TMX2: variants seen among roughly 807,000 people sequenced by gnomAD.
TMX2 encodes the protein thioredoxin related transmembrane protein 2.
In TMX2, 20 loss-of-function variants were observed where a neutral mutation model predicts 33.4. The ratio of observed to expected loss-of-function variants is 0.60; its 90% CI spans 0.42 to 0.87. The LOEUF is 0.87. Among genes scored for constraint, TMX2 ranks in the 40% least tolerant of loss-of-function variants. The pLI, the probability that TMX2 is intolerant of heterozygous loss-of-function variation, is 0.00. For synonymous variants in TMX2, 166 were observed against 140.7 expected, an observed-to-expected ratio of 1.18 and a Z score of -1.27; for missense variants, 340 against 370.7, an observed-to-expected ratio of 0.92 and a Z score of 0.68.
At chr11:57,733,737 A>G (rs1484417330) in intron 1 of TMX2, among the ~76,000 whole-genome samples, 6 of 152,214 alleles carry the variant, frequency 3.9e-5, no homozygotes, top group Non-Finnish European at 8.8e-5. Flanking sequence ...CAAATTATCC[A>G]TAATAAAAAG....
At chr11:57,725,921 T>G (rs181194147) in intron 1 of TMX2, among the ~76,000 whole-genome samples, 3 of 152,198 alleles carry the variant, frequency 2.0e-5, no homozygotes, top group African/African-American at 7.2e-5. Flanking sequence ...ACTAACATTA[T>G]AAAGTACCAT....
chr11:57,736,052 G>A (rs1305507048), intron 1 of TMX2, among the ~76,000 whole-genome samples: 1 of 152,078 alleles, frequency 6.6e-6, no homozygotes, highest in Non-Finnish European at 1.5e-5. Flanking sequence ...GAAGGAGGGG[G>A]TATAAAGAGA....
At chr11:57,740,019 G>A (rs2135668987) in intron 7 of TMX2, 80 bp from the exon 8 acceptor site, 2 of 1,594,016 alleles carry the variant, frequency 1.3e-6, no homozygotes, top group South Asian at 2.2e-5. Flanking sequence ...CCCAGACTTT[G>A]TGTAAAATAC....
intron 1 of TMX2, among the ~76,000 whole-genome samples, chr11:57,721,027 G>A (rs956775655): frequency 7.0e-6 from 1 of 142,154 alleles, no homozygotes; most frequent in African/African-American, 2.6e-5. Flanking sequence ...TTTTTCCTCA[G>A]GCCAGGTACG....
chr11:57,720,442 G>A (rs1222662215), intron 1 of TMX2, among the ~76,000 whole-genome samples: 2 of 152,090 alleles, frequency 1.3e-5, no homozygotes, highest in Non-Finnish European at 2.9e-5. Flanking sequence ...TTGCTCTATC[G>A]CCCAGGCTGG....
At chr11:57,724,949 A>T (rs767616682) in intron 1 of TMX2, among the ~76,000 whole-genome samples, 148 of 151,774 alleles carry the variant, frequency 9.8e-4, no homozygotes, top group Non-Finnish European at 1.8e-3. Context: ...GGGGCAGGAG[A>T]ATCACTTTGA....
chr11:57,722,074 C>T (rs1177892867), intron 1 of TMX2, among the ~76,000 whole-genome samples: 40 of 152,176 alleles, frequency 2.6e-4, no homozygotes. Flanking sequence ...CAGTTCACTA[C>T]AGCCTCAACC....
chr11:57,738,481 G>T, intron 4 of TMX2, 51 bp downstream of exon 4: 1 of 1,429,404 alleles, frequency 7.0e-7, no homozygotes, highest in Non-Finnish European at 9.9e-7. Flanking sequence ...GGGTGATTTT[G>T]TAGTTGTGCT....
rs1166963334 is a variant in TMX2 at position 57,740,859 on chromosome 11, CTT to C, written c.*616_*617del. The C allele has an allele frequency of 1.3e-5, 2 of 152,280 alleles. No individual in the cohort carries two copies. The highest frequency in any genetic ancestry group is 2.9e-5 in the Non-Finnish European group (2 of 68,094). 9.4% of individuals were successfully genotyped at this position (152,280 alleles called of 1,614,324 possible). On this transcript the variant is annotated 3_prime_UTR_variant, in exon 8 of 8. Transcript: ENST00000278422. ...GGGTGAATAGAGGCTTGAGACTTTCCTTTGTGTGGTAGGACTTGGAGGAGAAA... is the reference window on the plus strand; with the variant it reads ...GGGTGAATAGAGGCTTGAGACTTTCCTGTGTGGTAGGACTTGGAGGAGAAA...
At chr11:57,736,993 T>G (rs1487214014) in intron 1 of TMX2, among the ~76,000 whole-genome samples, 1 of 152,258 alleles carries the variant, frequency 6.6e-6, no homozygotes, top group African/African-American at 2.4e-5. Context: ...CACATTGAGT[T>G]GATATTAATA....
intron 1 of TMX2, among the ~76,000 whole-genome samples, chr11:57,734,065 G>T (rs988577866): frequency 6.7e-6 from 1 of 149,272 alleles, no homozygotes. Flanking sequence ...CCAGCTACTC[G>T]GGAAGCTGAG....
chr11:57,720,241 CTT>C (rs1341217082), intron 1 of TMX2, among the ~76,000 whole-genome samples: 1 of 151,478 alleles, frequency 6.6e-6, no homozygotes, highest in African/African-American at 2.4e-5. Flanking sequence ...GTTTAAAACT[CTT>C]CTCTCTTTTG....
chr11:57,715,720 G>A (rs1946946139), intron 1 of TMX2, among the ~76,000 whole-genome samples: 1 of 151,740 alleles, frequency 6.6e-6, no homozygotes, highest in Admixed American at 6.6e-5. Context: ...CTAGGCAGAG[G>A]ACCCTGCCGC....
At chr11:57,727,379 G>T (rs928554034) in intron 1 of TMX2, among the ~76,000 whole-genome samples, 15 of 152,096 alleles carry the variant, frequency 9.9e-5, no homozygotes, top group African/African-American at 3.6e-4. Flanking sequence ...TAGCACGTTG[G>T]GACCTGCTGG....
intron 1 of TMX2, among the ~76,000 whole-genome samples, chr11:57,734,709 T>C (rs1948632792): frequency 6.6e-6 from 1 of 150,972 alleles, no homozygotes; most frequent in South Asian, 2.1e-4. Flanking sequence ...GGTTGTGGCA[T>C]TGCACTCCAG....
At position 57,740,093 on chromosome 11, in the gene TMX2, G is replaced by C; in HGVS notation, c.745-6G>C. ...AGATCCTGACGTGTGCATCTCTTTT[G>C]TGCAGGAGAATGTGATCCGAGAATT... On this transcript the variant is annotated splice_polypyrimidine_tract_variant and splice_region_variant and intron_variant, in intron 7 of 7. Coordinates refer to ENST00000278422, the MANE Select transcript of TMX2 (RefSeq NM_015959.4). The C allele has an allele frequency of 6.2e-7, 1 of 1,613,776 alleles. No homozygotes were observed. Among genetic ancestry groups the C allele is most frequent in the Non-Finnish European group, 8.5e-7 (1 of 1,179,820 alleles).
chr11:57,718,237 T>C, intron 1 of TMX2: 1 of 1,488,920 alleles, frequency 6.7e-7, no homozygotes, highest in East Asian at 2.3e-5. Flanking sequence ...GCAATTGCCA[T>C]GGACAAGGTG....
Position 57,738,447 on chromosome 11 carries a change from C to A in TMX2, c.441+17C>A, listed in dbSNP as rs1356466349. 6.3e-7 allele frequency: 1 copy of A among 1,579,284 alleles called. No individual in the cohort carries two copies. Among genetic ancestry groups the A allele is most frequent in the Non-Finnish European group, 8.7e-7 (1 of 1,148,948 alleles). On this transcript the variant is annotated intron_variant, in intron 4 of 7. Transcript: ENST00000278422. Reference sequence around the variant, plus strand: ...ACCATTGATGTGAGTGCTCTTTCCCCTTTCTGTTTCTTGGGTCCCTTGTGG... The same window carrying A: ...ACCATTGATGTGAGTGCTCTTTCCCATTTCTGTTTCTTGGGTCCCTTGTGG...
intron 1 of TMX2, chr11:57,718,480 GC>G: frequency 1.1e-6 from 1 of 918,076 alleles, no homozygotes; most frequent in Non-Finnish European, 1.8e-6. Context: ...AGGAGATGCG[GC>G]CCAGGGGCTC....
Sources: allele counts gnomAD v4.1 joint callset (sites outside exome capture counted in the v4.1 genomes callset), GRCh38; gene constraint gnomAD v4.1.1; transcripts MANE v1.5; gene names NCBI Gene and HGNC (gene_info 2026-07-23, HGNC 2026-07-21).